ABCC1: variants seen among roughly 807,000 people sequenced by gnomAD.
ABCC1 encodes ATP binding cassette subfamily C member 1 (ABCC1 blood group).
Under a neutral mutation model 172.9 loss-of-function variants are expected in ABCC1, and 83 were observed. The ratio of observed to expected loss-of-function variants is 0.48; its 90% CI spans 0.40 to 0.58. ABCC1 has a LOEUF of 0.58. ABCC1 is among the 20% of genes least tolerant of loss of function. The pLI is 0.00. For synonymous variants in ABCC1, 937 were observed against 825.2 expected (o/e 1.14, Z -2.32); for missense variants, 1,817 against 2,002.7 (o/e 0.91, Z 1.77).
At chr16:16,037,443 A>G (rs72775880) in intron 7 of ABCC1, among the ~76,000 whole-genome samples, 9,591 of 152,246 alleles carry the variant, frequency 0.063, 342 homozygotes, top group Middle Eastern at 0.12. Context: ...AATCTGAGAC[A>G]CCATTAGTTG....
chr16:15,999,836 C>CTCTTTCTTTCTCTTTCTTTCTTTCTT (rs2047218121), intron 1 of ABCC1, among the ~76,000 whole-genome samples: 1 of 16,826 alleles, frequency 5.9e-5, no homozygotes, highest in African/African-American at 2.1e-4. Flanking sequence ...CTCTCTCTGT[C>CTCTTTCTTTCTCTTTCTTTCTTTCTT]TCTTTCTTTC....
At chr16:16,128,001 A>G (rs947859210) in intron 26 of ABCC1, among the ~76,000 whole-genome samples, 1 of 148,858 alleles carries the variant, frequency 6.7e-6, no homozygotes, top group African/African-American at 2.5e-5. Flanking sequence ...GCTCACTGCA[A>G]CCTCCACCTC....
chr16:16,036,313 T>A (rs1352444562), intron 6 of ABCC1, among the ~76,000 whole-genome samples, 159 bp from the exon 7 acceptor site: 1 of 152,264 alleles, frequency 6.6e-6, no homozygotes, highest in East Asian at 1.9e-4. Flanking sequence ...TCCATCTGCA[T>A]TCTGACTTCC....
chr16:16,140,736 C>T (rs150478725), intron 30 of ABCC1, among the ~76,000 whole-genome samples: 1 of 152,344 alleles, frequency 6.6e-6, no homozygotes, highest in Non-Finnish European at 1.5e-5. Context: ...TTCCTGTTGT[C>T]TCTGGCAGCT....
At chr16:16,000,803 G>A (rs1253645974) in intron 1 of ABCC1, among the ~76,000 whole-genome samples, 7 of 152,118 alleles carry the variant, frequency 4.6e-5, no homozygotes, top group African/African-American at 1.7e-4. Context: ...AATTGACGGT[G>A]GACAAGTAAG....
At chr16:16,133,640 C>T (rs1427598135) in intron 27 of ABCC1, among the ~76,000 whole-genome samples, 1 of 152,092 alleles carries the variant, frequency 6.6e-6, no homozygotes, top group African/African-American at 2.4e-5. Flanking sequence ...CTGACCTTCT[C>T]TGATCCACCT....
intron 20 of ABCC1, among the ~76,000 whole-genome samples, chr16:16,105,059 C>A (rs1467084682): frequency 6.6e-6 from 1 of 152,186 alleles, no homozygotes; most frequent in Non-Finnish European, 1.5e-5. Context: ...CTTGGCCAGC[C>A]CAGAAAGGGG....
chr16:16,037,905 T>C (rs1409613901), intron 7 of ABCC1, among the ~76,000 whole-genome samples: 1 of 152,132 alleles, frequency 6.6e-6, no homozygotes, highest in Non-Finnish European at 1.5e-5. Flanking sequence ...AATTGTCTCG[T>C]GGGAGGCAGA....
chr16:16,137,200 G>A (rs1026181188), intron 29 of ABCC1, among the ~76,000 whole-genome samples: 4 of 152,096 alleles, frequency 2.6e-5, no homozygotes, highest in Non-Finnish European at 5.9e-5. Context: ...GCTGCCATAC[G>A]AGGGCAGTCA....
At chr16:15,980,609 T>G (rs1256711720) in intron 1 of ABCC1, among the ~76,000 whole-genome samples, 1 of 152,168 alleles carries the variant, frequency 6.6e-6, no homozygotes. Context: ...CCCCCATGAT[T>G]GAATTGTCTC....
chr16:15,955,331 C>G (rs969059973), intron 1 of ABCC1, among the ~76,000 whole-genome samples: 4 of 152,106 alleles, frequency 2.6e-5, no homozygotes, highest in Non-Finnish European at 1.5e-5. Context: ...GCGCTCCAGC[C>G]TGGGTGACAG....
chr16:16,036,432 T>C, intron 6 of ABCC1, 40 bp from the exon 7 acceptor site: 1 of 1,588,422 alleles, frequency 6.3e-7, no homozygotes, highest in South Asian at 1.1e-5. Context: ...CCTCCTGTCA[T>C]TGACTCTCAT....
chr16:15,977,162 G>T (rs151073291), intron 1 of ABCC1, among the ~76,000 whole-genome samples: 83 of 152,306 alleles, frequency 5.4e-4, no homozygotes, highest in African/African-American at 1.9e-3. Flanking sequence ...TGAAGATGAC[G>T]GTGGTTTTTC....
chr16:16,043,051 C>A (rs2049038874), intron 7 of ABCC1, among the ~76,000 whole-genome samples: 1 of 151,028 alleles, frequency 6.6e-6, no homozygotes, highest in East Asian at 2.0e-4. Context: ...TTAGTAGAGA[C>A]AAGGTTTTGC....
chr16:16,004,174 C>T (rs546950659), intron 1 of ABCC1, among the ~76,000 whole-genome samples: 20 of 152,032 alleles, frequency 1.3e-4, no homozygotes, highest in African/African-American at 3.9e-4. Context: ...CTGGCTGTAG[C>T]GGGGAGGACT....
At chr16:16,141,082 C>G in intron 30 of ABCC1, 91 bp from the exon 31 acceptor site, 4 of 1,117,548 alleles carry the variant, frequency 3.6e-6, no homozygotes, top group Non-Finnish European at 5.3e-6. Context: ...GGGCCTGACC[C>G]GAAGCAGTGA....
chr16:16,124,854 T>C lies in ABCC1; in HGVS notation c.3656T>C (p.Val1219Ala). 1 of 1,614,216 alleles carries C rather than the reference T, an allele frequency of 6.2e-7. No individual in the cohort carries two copies. Among genetic ancestry groups the C allele is most frequent in the Non-Finnish European group, 8.5e-7 (1 of 1,180,044 alleles). ...GTTCTGTTTGCTGCCCTGTTTGCGG[T>C]GATCTCCAGGCACAGCCTCAGTGCT... Reference protein sequence around the residue: ...CIVLFAALFAVISRHSLSAGL... With the variant: ...CIVLFAALFAAISRHSLSAGL... The change falls in exon 25 of 31, where the codon GTG becomes GCG. Residue 1219 changes from valine (V) to alanine (A), a missense_variant. Physicochemically the swap from Val to Ala is moderately conservative, Grantham distance 64 (BLOSUM62 0). This residue lies in a region of ABCC1 where 1,412 missense variants were observed against 1,600.3 expected (regional missense o/e 0.88). Transcript: ENST00000399410.
chr16:16,033,258 C>T, intron 6 of ABCC1, 88 bp downstream of exon 6: 1 of 1,265,128 alleles, frequency 7.9e-7, no homozygotes, highest in Non-Finnish European at 1.2e-6. Flanking sequence ...GCTCCCCCTC[C>T]CCAACTTCTC....
chr16:15,993,884 C>A (rs916437904), intron 1 of ABCC1, among the ~76,000 whole-genome samples: 7 of 152,118 alleles, frequency 4.6e-5, no homozygotes, highest in African/African-American at 1.7e-4. Context: ...CCCTGGAGAT[C>A]TTGCCTCCAA....
Sources: allele counts gnomAD v4.1 joint callset (sites outside exome capture counted in the v4.1 genomes callset), GRCh38; gene constraint gnomAD v4.1.1; regional missense constraint gnomAD v4.1.1; transcripts MANE v1.5; gene names NCBI Gene and HGNC (gene_info 2026-07-23, HGNC 2026-07-21).